The following NRXN3 variants were observed in gnomAD, a reference collection of about 807,000 sequenced individuals.
NRXN3 encodes neurexin 3.
Under a neutral mutation model 137.6 loss-of-function variants are expected in NRXN3, and 32 were observed. The ratio of observed to expected loss-of-function variants is 0.23; its 90% CI spans 0.18 to 0.31. The LOEUF is 0.31. NRXN3 is among the 10% of genes least tolerant of loss of function. The probability of loss-of-function intolerance (pLI) is 1.00; values close to 1 mark genes in which losing one functional copy is unlikely to be tolerated. For synonymous variants in NRXN3, 798 were observed against 784.5 expected (o/e 1.02, Z -0.29); for missense variants, 1,574 against 2,062.5 (o/e 0.76, Z 4.59).
chr14:79,587,353 G>T (rs760105662), intron 16 of NRXN3, among the ~76,000 whole-genome samples: 17 of 152,146 alleles, frequency 1.1e-4, no homozygotes, highest in Non-Finnish European at 2.2e-4. Flanking sequence ...TGCACTGTGA[G>T]ATCTTTGTCG....
chr14:78,959,599 C>T (rs1318602009), intron 11 of NRXN3, among the ~76,000 whole-genome samples: 1 of 152,176 alleles, frequency 6.6e-6, no homozygotes, highest in African/African-American at 2.4e-5. Context: ...TTACCCAAAA[C>T]ACTTCGATTA....
chr14:79,653,895 T>G (rs916462972), intron 16 of NRXN3, among the ~76,000 whole-genome samples: 1 of 152,156 alleles, frequency 6.6e-6, no homozygotes, highest in African/African-American at 2.4e-5. Flanking sequence ...TCAGGAAAGC[T>G]GCCTATGGCA....
chr14:78,839,506 G>A (rs146430141), intron 10 of NRXN3, among the ~76,000 whole-genome samples: 1 of 152,168 alleles, frequency 6.6e-6, no homozygotes, highest in African/African-American at 2.4e-5. Flanking sequence ...AAGCTCTTCA[G>A]CTGAGCTTTC....
chr14:79,193,128 G>C (rs1275815731), intron 15 of NRXN3, among the ~76,000 whole-genome samples: 1 of 60,202 alleles, frequency 1.7e-5, no homozygotes, highest in Admixed American at 2.4e-4. Context: ...TGTCATAGAA[G>C]GGTTTTAAAG....
intron 15 of NRXN3, among the ~76,000 whole-genome samples, chr14:79,005,702 T>C (rs2099550983): frequency 6.6e-6 from 1 of 152,210 alleles, no homozygotes; most frequent in Admixed American, 6.5e-5. Context: ...ACCTTGTTCA[T>C]CTAGATATGT....
At chr14:78,990,357 A>T (rs1433722428) in intron 15 of NRXN3, among the ~76,000 whole-genome samples, 2 of 134,380 alleles carry the variant, frequency 1.5e-5, no homozygotes, top group South Asian at 2.3e-4. Flanking sequence ...TGAAGTTCAC[A>T]TCTATTTTTT....
intron 15 of NRXN3, among the ~76,000 whole-genome samples, chr14:79,441,570 C>T (rs997288862): frequency 6.6e-6 from 1 of 151,288 alleles, no homozygotes; most frequent in African/African-American, 2.4e-5. Flanking sequence ...TTAGTAGAGA[C>T]GGGGTTTCAC....
At chr14:79,700,964 T>C (rs996288500) in intron 19 of NRXN3, among the ~76,000 whole-genome samples, 3 of 152,198 alleles carry the variant, frequency 2.0e-5, no homozygotes, top group Middle Eastern at 6.8e-3. Flanking sequence ...GTGATAATTC[T>C]CAAGTAAAGG....
At chr14:78,224,814 C>T (rs997523022) in intron 1 of NRXN3, among the ~76,000 whole-genome samples, 226 of 117,302 alleles carry the variant, frequency 1.9e-3, no homozygotes, top group African/African-American at 6.8e-3. Flanking sequence ...GGCTGGACTG[C>T]GGACTGCAGT....
intron 15 of NRXN3, among the ~76,000 whole-genome samples, chr14:79,359,451 A>G (rs2093607171): frequency 6.6e-6 from 1 of 152,002 alleles, no homozygotes; most frequent in Admixed American, 6.5e-5. Flanking sequence ...AGTACAGTGT[A>G]TGGGCTGGCT....
At chr14:79,795,399 G>C (rs1003814) in intron 19 of NRXN3, among the ~76,000 whole-genome samples, 99,973 of 151,952 alleles carry the variant, frequency 0.66, 33,813 homozygotes, top group African/African-American at 0.8. Flanking sequence ...ATAAATCATA[G>C]AGCTTTATGG....
chr14:78,831,283 C>T (rs1018370564), intron 10 of NRXN3, among the ~76,000 whole-genome samples: 5 of 152,040 alleles, frequency 3.3e-5, no homozygotes, highest in Admixed American at 1.3e-4. Flanking sequence ...AGAACAATAT[C>T]ACACCTGTAA....
intron 4 of NRXN3, among the ~76,000 whole-genome samples, chr14:78,589,965 CAAACAAAA>C (rs1355958814): frequency 6.6e-6 from 1 of 152,036 alleles, no homozygotes; most frequent in African/African-American, 2.4e-5. Flanking sequence ...TTGAAACAAA[CAAACAAAA>C]AAACAAACAA....
intron 15 of NRXN3, among the ~76,000 whole-genome samples, chr14:79,361,599 C>T (rs2093683507): frequency 6.6e-6 from 1 of 152,058 alleles, no homozygotes; most frequent in Non-Finnish European, 1.5e-5. Flanking sequence ...TGCCTGTAAT[C>T]ACAGCTACTT....
intron 15 of NRXN3, among the ~76,000 whole-genome samples, chr14:79,006,822 G>A (rs766298528): frequency 9.2e-5 from 14 of 152,052 alleles, no homozygotes; most frequent in Non-Finnish European, 1.6e-4. Flanking sequence ...CTAGGAACAA[G>A]TTCATTCCAA....
At chr14:79,359,746 T>A (rs957294941) in intron 15 of NRXN3, among the ~76,000 whole-genome samples, 2 of 151,960 alleles carry the variant, frequency 1.3e-5, no homozygotes, top group Non-Finnish European at 2.9e-5. Context: ...AATTTTTGTA[T>A]TTTTAGTAGA....
intron 10 of NRXN3, among the ~76,000 whole-genome samples, chr14:78,930,247 C>T (rs154340): frequency 0.28 from 41,873 of 152,010 alleles, 8,614 homozygotes; most frequent in African/African-American, 0.56. Flanking sequence ...TATGCCTCAG[C>T]AGATGGTCTG....
rs1277625538 is a variant in NRXN3, at chr14:78,243,099, C to T, written c.6C>T (p.Ser2=). ...GCTCTGTCCCAGCAGCGACAATGAG[C>T]TCCACACTCCACTCGGTTTTCTTCA... M[S]STLHSVFFTL... Residue 2 remains serine, a synonymous_variant, in exon 2 of 21, where the codon AGC becomes AGT. Coordinates refer to ENST00000335750, the MANE Select transcript of NRXN3 (RefSeq NM_001330195.2). The surrounding 1 kb of genome is among the most constrained non-coding windows in gnomAD (Gnocchi z 4.2). 1.3e-6 allele frequency: 2 copies of T among 1,523,294 alleles called. No individual in the cohort carries two copies. The highest frequency in any genetic ancestry group is 2.7e-5 in the African/African-American group (2 of 72,856). 94.4% of individuals were successfully genotyped at this position (1,523,294 alleles called of 1,614,324 possible).
chr14:78,941,474 C>A (rs73325319), intron 10 of NRXN3, among the ~76,000 whole-genome samples: 3,022 of 152,222 alleles, frequency 0.02, 94 homozygotes, highest in African/African-American at 0.069. Flanking sequence ...TTCCAAGAAG[C>A]ATTTCTAGTT....
Sources: allele counts gnomAD v4.1 joint callset (sites outside exome capture counted in the v4.1 genomes callset), GRCh38; gene constraint gnomAD v4.1.1; non-coding constraint Gnocchi (gnomAD v3.1); transcripts MANE v1.5; gene names NCBI Gene and HGNC (gene_info 2026-07-23, HGNC 2026-07-21).